The following KHDRBS2 variants were observed in gnomAD, a reference collection of about 807,000 sequenced individuals.
KHDRBS2 encodes the protein KH RNA binding domain containing, signal transduction associated 2, also known as KH domain-containing, RNA-binding, signal transduction-associated protein 2.
A neutral mutation model predicts 44.3 loss-of-function variants in KHDRBS2; 26 were observed. The observed-to-expected ratio is 0.59, with a 90% CI of 0.43 to 0.81. KHDRBS2 has a LOEUF of 0.81. KHDRBS2 is among the 40% of genes least tolerant of loss of function. The pLI is 0.00. For synonymous variants in KHDRBS2, 194 were observed against 151.1 expected (o/e 1.28, Z -2.08); for missense variants, 476 against 433.1 (o/e 1.10, Z -0.88).
intron 1 of KHDRBS2, among the ~76,000 whole-genome samples, chr6:62,248,760 C>T (rs1303992561): frequency 2.0e-5 from 3 of 152,076 alleles, no homozygotes; most frequent in African/African-American, 7.2e-5. Flanking sequence ...TTGAGGAAAA[C>T]TCTAAATGGC....
intron 2 of KHDRBS2, among the ~76,000 whole-genome samples, chr6:62,088,125 C>A (rs1474611043): frequency 1.3e-5 from 2 of 152,144 alleles, no homozygotes; most frequent in African/African-American, 2.4e-5. Flanking sequence ...AGCTTCCTTG[C>A]ATTGGGTTAG....
At chr6:61,580,165 T>G in the KHDRBS2 span, among the ~76,000 whole-genome samples, 1 of 152,196 alleles carries the variant, frequency 6.6e-6, no homozygotes, top group Non-Finnish European at 1.5e-5. Context: ...TGAAGTAAAC[T>G]TTGACAACTA....
At chr6:61,663,500 C>CATATATATATATATATATATATAT in the KHDRBS2 span, among the ~76,000 whole-genome samples, 875 of 35,922 alleles carry the variant, frequency 0.024, 247 homozygotes, top group East Asian at 0.042. Flanking sequence ...CATGAGACAC[C>CATATATATATATATATATATATAT]ATATATATAT....
At position 61,812,793 on chromosome 6, in the gene KHDRBS2, C is replaced by A. The variant is rs529269008; in HGVS notation, c.811-80029G>T. Among the ~76,000 whole-genome samples, 19 of 152,078 alleles carry A rather than the reference C, an allele frequency of 1.2e-4. No homozygotes were observed. In the East Asian group the frequency reaches 3.3e-3, roughly 26 times the overall value. On this transcript the variant is annotated intron_variant, in intron 6 of 8. Transcript: ENST00000281156. ...AAAAACAAAAAATATTGATAATAAA[C>A]CATAGTCTGAGAGTTGAGATATACT...
At chr6:62,143,985 ATAAGCCCACTCTCTATCTCATC>A in intron 2 of KHDRBS2, among the ~76,000 whole-genome samples, 1 of 152,080 alleles carries the variant, frequency 6.6e-6, no homozygotes, top group African/African-American at 2.4e-5. Context: ...AAAACAAAAT[ATAAGCCCACTCTCTATCTCATC>A]TAAGCCAGTG....
rs150901546 is a variant in KHDRBS2, at chr6:62,148,526, G to A, written c.219+28659C>T. 3.2e-4 allele frequency among the ~76,000 whole-genome samples: 48 copies of A among 151,942 alleles called. No homozygotes were observed. The East Asian group carries it at 8.7e-3, about 28-fold the overall frequency. ...AATCTCACGATCCCAGAATCACTTA[G>A]ACAAAGGAAAAAGTCAAGCTGAGAA... On this transcript the variant is annotated intron_variant, in intron 2 of 8. Coordinates refer to ENST00000281156, the MANE Select transcript of KHDRBS2 (RefSeq NM_152688.4).
intron 3 of KHDRBS2, among the ~76,000 whole-genome samples, chr6:61,992,335 G>A (rs1240020302): frequency 1.3e-5 from 2 of 152,018 alleles, no homozygotes; most frequent in East Asian, 1.9e-4. Flanking sequence ...AAATACTCAC[G>A]TTTCTTAGAA....
At chr6:62,201,586 A>G (rs1035318105) in intron 1 of KHDRBS2, among the ~76,000 whole-genome samples, 5 of 152,142 alleles carry the variant, frequency 3.3e-5, no homozygotes, top group African/African-American at 9.6e-5. Flanking sequence ...AGTGAGCTAC[A>G]GGTAGAAAAA....
intron 1 of KHDRBS2, among the ~76,000 whole-genome samples, chr6:62,216,707 T>TG (rs1830043067): frequency 6.6e-6 from 1 of 150,476 alleles, no homozygotes; most frequent in African/African-American, 2.4e-5. Context: ...TTTTTTTTTT[T>TG]TTTGTTTTAT....
chr6:61,802,189 C>A (rs1036082097), intron 6 of KHDRBS2, among the ~76,000 whole-genome samples: 1 of 152,106 alleles, frequency 6.6e-6, no homozygotes, highest in Admixed American at 6.6e-5. Flanking sequence ...GGATGCTGAG[C>A]TCCTGCCCAC....
chr6:62,115,050 T>A (rs986058476), intron 2 of KHDRBS2, among the ~76,000 whole-genome samples: 2 of 152,180 alleles, frequency 1.3e-5, no homozygotes, highest in Admixed American at 1.3e-4. Context: ...CTATTTGCGA[T>A]CATTCGTTTT....
intron 6 of KHDRBS2, among the ~76,000 whole-genome samples, chr6:61,757,916 C>T (rs1336680549): frequency 2.0e-5 from 3 of 152,124 alleles, no homozygotes; most frequent in Non-Finnish European, 4.4e-5. Flanking sequence ...GAATGCTGGA[C>T]ACAATTACCT....
intron 2 of KHDRBS2, among the ~76,000 whole-genome samples, chr6:62,083,013 G>T (rs1797695004): frequency 6.6e-6 from 1 of 152,118 alleles, no homozygotes; most frequent in Non-Finnish European, 1.5e-5. Context: ...GTAGAAAAGG[G>T]CAGGGTCCCT....
the KHDRBS2 span, among the ~76,000 whole-genome samples, chr6:61,587,311 C>T: frequency 6.6e-6 from 1 of 152,026 alleles, no homozygotes; most frequent in Non-Finnish European, 1.5e-5. Flanking sequence ...AACCATGTGT[C>T]CAGGGACAGT....
intron 4 of KHDRBS2, among the ~76,000 whole-genome samples, chr6:61,956,443 G>T (rs180711028): frequency 6.6e-6 from 1 of 152,146 alleles, no homozygotes; most frequent in Admixed American, 6.5e-5. Context: ...AGACACAGTT[G>T]TAGTGCTTCA....
At chr6:61,880,571 T>G (rs1019122618) in intron 6 of KHDRBS2, among the ~76,000 whole-genome samples, 1 of 151,972 alleles carries the variant, frequency 6.6e-6, no homozygotes, top group Non-Finnish European at 1.5e-5. Flanking sequence ...ATATTTTGCT[T>G]AAAACATTTT....
the KHDRBS2 span, among the ~76,000 whole-genome samples, chr6:61,636,481 T>C: frequency 1.1e-4 from 16 of 152,126 alleles, no homozygotes; most frequent in Non-Finnish European, 4.4e-5. Flanking sequence ...ATGGAAATTG[T>C]TCTCATTAAC....
chr6:62,021,014 T>A (rs1467972454), intron 3 of KHDRBS2, among the ~76,000 whole-genome samples: 2 of 152,046 alleles, frequency 1.3e-5, no homozygotes, highest in African/African-American at 2.4e-5. Context: ...ATAAAGAAAC[T>A]ATGGTACATA....
chr6:61,708,166 C>A (rs1474610504), intron 7 of KHDRBS2, among the ~76,000 whole-genome samples: 1 of 151,514 alleles, frequency 6.6e-6, no homozygotes, highest in Non-Finnish European at 1.5e-5. Context: ...TGATTATTTG[C>A]TTTGCTGAGA....
Sources: allele counts gnomAD v4.1 joint callset (sites outside exome capture counted in the v4.1 genomes callset), GRCh38; gene constraint gnomAD v4.1.1; transcripts MANE v1.5; gene names NCBI Gene and HGNC (gene_info 2026-07-23, HGNC 2026-07-21).